Variants in TENT4B observed in about 807,000 individuals in gnomAD.
TENT4B encodes the protein terminal nucleotidyltransferase 4B.
In TENT4B, 10 loss-of-function variants were observed where a neutral mutation model predicts 75.0. The observed-to-expected ratio is 0.13, with a 90% confidence interval of 0.08 to 0.23. The LOEUF (loss-of-function observed/expected upper bound fraction) is 0.23. Ranked by LOEUF, TENT4B falls within the 10% of genes least tolerant of loss-of-function variation. The pLI is 1.00. For synonymous variants in TENT4B, 350 were observed against 357.7 expected (o/e 0.98, Z 0.24); for missense variants, 579 against 893.8 (o/e 0.65, Z 4.49).
At chr16:50,176,210 C>A (rs1187641135) in intron 1 of TENT4B, among the ~76,000 whole-genome samples, 1 of 151,876 alleles carries the variant, frequency 6.6e-6, no homozygotes, top group African/African-American at 2.4e-5. Context: ...CCTCAGCCTC[C>A]CAAGCAGCTG....
intron 1 of TENT4B, among the ~76,000 whole-genome samples, chr16:50,181,463 TA>T (rs1480379471): frequency 1.0e-3 from 150 of 144,036 alleles, no homozygotes; most frequent in African/African-American, 3.7e-3. Flanking sequence ...CCAGCTATTG[TA>T]TTTTTTTTTT....
Position 50,229,442 on chromosome 16 carries a change from G to A in TENT4B, c.*114G>A. The A allele has an allele frequency of 7.5e-7, 1 of 1,339,424 alleles. No homozygotes were observed. The highest frequency in any genetic ancestry group is 9.6e-7 in the Non-Finnish European group (1 of 1,046,058). 83.0% of individuals were successfully genotyped at this position (1,339,424 alleles called of 1,614,324 possible). ...CTCACACTGTTCAGACGTTGACTTA[G>A]CAACTGCGTTTTTTCCCAGCTCGCC... On this transcript the variant is annotated 3_prime_UTR_variant, in exon 12 of 12. Coordinates refer to ENST00000561678, the MANE Select transcript of TENT4B (RefSeq NM_001365324.3).
intron 1 of TENT4B, among the ~76,000 whole-genome samples, chr16:50,191,255 C>T (rs1291773065): frequency 1.3e-5 from 2 of 151,776 alleles, no homozygotes; most frequent in Non-Finnish European, 1.5e-5. Flanking sequence ...ATGGTAATTC[C>T]GTGTCTGGTT....
intron 4 of TENT4B, 52 bp downstream of exon 4, chr16:50,216,247 CTTGAA>C: frequency 6.3e-7 from 1 of 1,598,758 alleles, no homozygotes; most frequent in Non-Finnish European, 8.5e-7. Context: ...ACCTATGAAA[CTTGAA>C]TTAAAATTAA....
At chr16:50,172,394 G>A (rs951619404) in intron 1 of TENT4B, among the ~76,000 whole-genome samples, 4 of 152,036 alleles carry the variant, frequency 2.6e-5, no homozygotes, top group Admixed American at 6.6e-5. Flanking sequence ...CCACCTGTAC[G>A]GTGTGCTGAC....
intron 1 of TENT4B, among the ~76,000 whole-genome samples, chr16:50,200,482 G>A (rs536531434): frequency 3.3e-5 from 5 of 152,170 alleles, no homozygotes; most frequent in Non-Finnish European, 5.9e-5. Context: ...AAGTGGCTGC[G>A]CCATTTTGCA....
intron 11 of TENT4B, 87 bp from the exon 12 acceptor site, chr16:50,229,065 T>C: frequency 6.4e-7 from 1 of 1,555,558 alleles, no homozygotes; most frequent in Non-Finnish European, 8.6e-7. Context: ...ATTCCTAGTT[T>C]TGAAAGCTTC....
At chr16:50,226,993 A>G (rs1047751638) in intron 10 of TENT4B, among the ~76,000 whole-genome samples, 3 of 152,188 alleles carry the variant, frequency 2.0e-5, no homozygotes, top group African/African-American at 7.2e-5. Flanking sequence ...TGTCAATTAT[A>G]ATGTAAGTTA....
intron 1 of TENT4B, among the ~76,000 whole-genome samples, chr16:50,174,709 A>G (rs949144937): frequency 1.4e-5 from 2 of 146,858 alleles, no homozygotes; most frequent in Non-Finnish European, 3.0e-5. Context: ...CCCTTAACCA[A>G]CCATTCTTCA....
At position 50,231,066 on chromosome 16, in the gene TENT4B, C is replaced by A; in HGVS notation, c.*1738C>A. On this transcript the variant is annotated 3_prime_UTR_variant, in exon 12 of 12. Transcript: ENST00000561678. ...GCTAAAGTAAGACCAAAACTGATGTCATCACTGAAATTAACAATTTTCAAT... is the reference window on the plus strand; with the variant it reads ...GCTAAAGTAAGACCAAAACTGATGTAATCACTGAAATTAACAATTTTCAAT... The A allele has an allele frequency of 1.0e-6, 1 of 982,844 alleles. No homozygotes were observed. Among genetic ancestry groups the A allele is most frequent in the Non-Finnish European group, 1.2e-6 (1 of 827,192 alleles). The allele number at this position is 982,844 out of a possible 1,614,324, so 60.9% of individuals were successfully genotyped here.
chr16:50,229,395 C>T lies in TENT4B; in HGVS notation c.*67C>T. 6.6e-7 allele frequency: 1 copy of T among 1,519,426 alleles called. No individual in the cohort carries two copies. Among genetic ancestry groups the T allele is most frequent in the Non-Finnish European group, 8.8e-7 (1 of 1,140,112 alleles). The allele number at this position is 1,519,426 out of a possible 1,614,324, so 94.1% of individuals were successfully genotyped here. On this transcript the variant is annotated 3_prime_UTR_variant, in exon 12 of 12. Coordinates refer to ENST00000561678, the MANE Select transcript of TENT4B (RefSeq NM_001365324.3). ...CATGCTCAGGACAGTTGCGCAGGGACTCCTGGGAGATATTCAGGAGCCTCA... is the reference window on the plus strand; with the variant it reads ...CATGCTCAGGACAGTTGCGCAGGGATTCCTGGGAGATATTCAGGAGCCTCA...
In TENT4B at chr16:50,229,834, TAGA is replaced by T; in HGVS notation, c.*510_*512del. On this transcript the variant is annotated 3_prime_UTR_variant, in exon 12 of 12. Transcript: ENST00000561678. ...TTTACCATTTTATTGTGTGTATATA[TAGA>T]AGACCATATAGGAGATTGATATTTG... 1.1e-6 allele frequency: 1 copy of T among 914,722 alleles called. No individual in the cohort carries two copies. The highest frequency in any genetic ancestry group is 1.3e-6 in the Non-Finnish European group (1 of 765,504). The allele number at this position is 914,722 out of a possible 1,614,324, so 56.7% of individuals were successfully genotyped here. A position where few individuals can be genotyped will look rare whatever the true frequency, so the allele number is the denominator to read the frequency against.
intron 1 of TENT4B, among the ~76,000 whole-genome samples, chr16:50,181,389 G>A (rs936879315): frequency 6.6e-6 from 1 of 151,496 alleles, no homozygotes; most frequent in African/African-American, 2.4e-5. Context: ...TGTGATCTTG[G>A]CTCACTGCAA....
At chr16:50,210,015 G>T (rs144195707) in intron 1 of TENT4B, among the ~76,000 whole-genome samples, 1 of 152,028 alleles carries the variant, frequency 6.6e-6, no homozygotes, top group East Asian at 1.9e-4. Flanking sequence ...GCTCTGTTAA[G>T]CTGTGGCTGC....
intron 10 of TENT4B, among the ~76,000 whole-genome samples, chr16:50,227,346 C>T (rs2032102523): frequency 6.6e-6 from 1 of 152,200 alleles, no homozygotes; most frequent in Admixed American, 6.5e-5. Flanking sequence ...GTAGCATTGT[C>T]ATGGCCCATG....
chr16:50,231,876 T>A lies in TENT4B; in HGVS notation c.*2548T>A, dbSNP rs1200716195. ...TTATACATTTCATCTATTTGACTCC[T>A]ATCTTATTTCTTTTTTGAGTTTTAA... On this transcript the variant is annotated 3_prime_UTR_variant, in exon 12 of 12. Transcript: ENST00000561678. The A allele has an allele frequency of 1.0e-6, 1 of 982,322 alleles. No individual in the cohort carries two copies. Among genetic ancestry groups the A allele is most frequent in the Non-Finnish European group, 1.2e-6 (1 of 827,112 alleles). 60.9% of individuals were successfully genotyped at this position (982,322 alleles called of 1,614,324 possible). A position where few individuals can be genotyped will look rare whatever the true frequency, so the allele number is the denominator to read the frequency against.
chr16:50,194,924 A>G (rs2030117914), intron 1 of TENT4B, among the ~76,000 whole-genome samples: 1 of 150,648 alleles, frequency 6.6e-6, no homozygotes, highest in African/African-American at 2.4e-5. Context: ...AATTTTTTGT[A>G]TTTTTTAGTA....
chr16:50,214,690 C>T (rs1035884957), intron 3 of TENT4B, among the ~76,000 whole-genome samples: 2 of 152,050 alleles, frequency 1.3e-5, no homozygotes, highest in African/African-American at 2.4e-5. Flanking sequence ...AAGGATTTAC[C>T]AGCATTTAAT....
chr16:50,190,701 A>C (rs2038622992), intron 1 of TENT4B, among the ~76,000 whole-genome samples: 1 of 152,092 alleles, frequency 6.6e-6, no homozygotes, highest in Non-Finnish European at 1.5e-5. Flanking sequence ...ACATTATAGT[A>C]GAATACATAT....
Sources: allele counts gnomAD v4.1 joint callset (sites outside exome capture counted in the v4.1 genomes callset), GRCh38; gene constraint gnomAD v4.1.1; transcripts MANE v1.5; gene names NCBI Gene and HGNC (gene_info 2026-07-23, HGNC 2026-07-21).